Variants in ADCY2 observed in about 807,000 individuals in gnomAD.
ADCY2 encodes adenylate cyclase 2.
ADCY2 carries 31 observed loss-of-function variants against 125.2 expected under a neutral mutation model. The ratio of observed to expected loss-of-function variants is 0.25; its 90% CI spans 0.19 to 0.33. The LOEUF (loss-of-function observed/expected upper bound fraction) is 0.33, where lower values mean the gene tolerates loss of function less well. Ranked by LOEUF, ADCY2 falls within the 10% of genes least tolerant of loss-of-function variation. The pLI, the probability that ADCY2 is intolerant of heterozygous loss-of-function variation, is 1.00. For missense variants in ADCY2, 904 were observed against 1,418.2 expected (o/e 0.64, Z 5.82); for synonymous variants, 512 against 548.4 (o/e 0.93, Z 0.93).
intron 22 of ADCY2, among the ~76,000 whole-genome samples, chr5:7,811,768 T>A (rs920768417): frequency 1.3e-5 from 2 of 152,120 alleles, no homozygotes; most frequent in Non-Finnish European, 2.9e-5. Flanking sequence ...AGTCTCCATC[T>A]GAGCCACCTC....
chr5:7,685,056 C>T (rs574822094), intron 4 of ADCY2: 1 of 152,396 alleles, frequency 6.6e-6, no homozygotes, highest in Non-Finnish European at 1.5e-5. Flanking sequence ...TCATCCTCCT[C>T]CCACAAGTCA....
chr5:7,746,451 A>G (rs1228722681), intron 15 of ADCY2: 1 of 152,224 alleles, frequency 6.6e-6, no homozygotes, highest in Non-Finnish European at 1.5e-5. Context: ...TGCAACATCA[A>G]ATATATTGGT....
Position 7,396,850 on chromosome 5 carries a change from G to C in ADCY2, c.210+344G>C, listed in dbSNP as rs1428400. ...GCCGGGCACCGCTGCCCGCAGCGCT[G>C]GAATAGGTCTTCCCCGACTCAGCCC... On this transcript the variant is annotated intron_variant, in intron 1 of 24. Coordinates refer to ENST00000338316, the MANE Select transcript of ADCY2 (RefSeq NM_020546.3). This position sits in a 1 kb window ranked among gnomAD's most constrained non-coding sequence, Gnocchi z 5.7. Among the ~76,000 whole-genome samples the C allele has an allele frequency of 0.31, 46,968 of 152,104 alleles. 7,961 individuals carry two copies. Among genetic ancestry groups the C allele is most frequent in the African/African-American group, 0.43 (17,762 of 41,490 alleles).
chr5:7,826,332 C>T (rs16879199), intron 24 of ADCY2, among the ~76,000 whole-genome samples: 4,152 of 152,212 alleles, frequency 0.027, 188 homozygotes, highest in African/African-American at 0.096. Flanking sequence ...TTTTGGTTTA[C>T]TCTCTTTCAT....
intron 2 of ADCY2, among the ~76,000 whole-genome samples, chr5:7,463,618 T>TAAAAAAA (rs33927169): frequency 3.9e-5 from 4 of 102,532 alleles, no homozygotes; most frequent in Non-Finnish European, 4.4e-5. Flanking sequence ...AGGTGATAGA[T>TAAAAAAA]AAAAAAAAAA....
chr5:7,561,133 C>T (rs531762127), intron 3 of ADCY2, among the ~76,000 whole-genome samples: 2 of 152,286 alleles, frequency 1.3e-5, no homozygotes, highest in Admixed American at 6.5e-5. Context: ...GCTTGGGCTC[C>T]TTCTGAAACT....
chr5:7,611,905 G>A (rs1233854714), intron 3 of ADCY2, among the ~76,000 whole-genome samples: 2 of 152,118 alleles, frequency 1.3e-5, no homozygotes, highest in Admixed American at 6.6e-5. Flanking sequence ...CTAGAAGTTG[G>A]ACCTAGACTC....
intron 1 of ADCY2, among the ~76,000 whole-genome samples, chr5:7,412,690 C>T (rs1579417070): frequency 1.3e-5 from 2 of 152,322 alleles, no homozygotes; most frequent in East Asian, 1.9e-4. Flanking sequence ...CACATTCTTT[C>T]GGCCACGGCA....
At chr5:7,754,263 G>A (rs1035502676) in intron 15 of ADCY2, among the ~76,000 whole-genome samples, 1 of 152,084 alleles carries the variant, frequency 6.6e-6, no homozygotes, top group Non-Finnish European at 1.5e-5. Context: ...TTATCACCAC[G>A]TATTTTTCTA....
At chr5:7,610,798 G>T (rs1319425488) in intron 3 of ADCY2, among the ~76,000 whole-genome samples, 1 of 152,178 alleles carries the variant, frequency 6.6e-6, no homozygotes. Context: ...GGCCTGTGTG[G>T]TTTTCTTATG....
At chr5:7,423,760 A>G (rs1372108271) in intron 2 of ADCY2, among the ~76,000 whole-genome samples, 1 of 152,158 alleles carries the variant, frequency 6.6e-6, no homozygotes, top group African/African-American at 2.4e-5. Flanking sequence ...GCCTTCCCAG[A>G]TCTGATCTTG....
At chr5:7,703,759 A>T (rs1741167415) in intron 7 of ADCY2, among the ~76,000 whole-genome samples, 1 of 152,096 alleles carries the variant, frequency 6.6e-6, no homozygotes, top group African/African-American at 2.4e-5. Context: ...CAATTCTGTG[A>T]AGAAAGTCAT....
chr5:7,597,005 C>T (rs1308246667), intron 3 of ADCY2, among the ~76,000 whole-genome samples: 1 of 152,230 alleles, frequency 6.6e-6, no homozygotes, highest in Non-Finnish European at 1.5e-5. Context: ...GGAAGTACAG[C>T]TCCATGAGCC....
At chr5:7,534,275 C>T (rs1734745755) in intron 3 of ADCY2, among the ~76,000 whole-genome samples, 1 of 152,164 alleles carries the variant, frequency 6.6e-6, no homozygotes, top group Non-Finnish European at 1.5e-5. Context: ...ATGCTGGTGG[C>T]TGAGGGTTCT....
rs1739897803 is a variant in ADCY2, at chr5:7,415,346, A to AC, written c.408+578dup. On this transcript the variant is annotated intron_variant, in intron 2 of 24. Transcript: ENST00000338316. Reference sequence around the variant, plus strand: ...GTCCTCATTTTAGCAAACCCATCGTACCACAGCCAAGGAGCTGGCCGGGGC... The same window carrying AC: ...GTCCTCATTTTAGCAAACCCATCGTACCCACAGCCAAGGAGCTGGCCGGGGC... Among the ~76,000 whole-genome samples the AC allele has an allele frequency of 7.9e-5, 12 of 152,270 alleles. No homozygotes were observed. The South Asian group carries it at 2.5e-3, about 32-fold the overall frequency.
intron 3 of ADCY2, among the ~76,000 whole-genome samples, chr5:7,526,647 G>T (rs375841750): frequency 5.9e-5 from 9 of 152,178 alleles, no homozygotes; most frequent in African/African-American, 1.9e-4. Flanking sequence ...ACAAGAAAGA[G>T]AACTAACACA....
intron 1 of ADCY2, among the ~76,000 whole-genome samples, chr5:7,399,930 C>A (rs765605329): frequency 5.9e-5 from 9 of 152,002 alleles, no homozygotes; most frequent in Non-Finnish European, 1.2e-4. Context: ...TAATTTTTTT[C>A]TTTTTCTTTT....
chr5:7,600,973 T>C (rs1326610131), intron 3 of ADCY2, among the ~76,000 whole-genome samples: 2 of 152,174 alleles, frequency 1.3e-5, no homozygotes, highest in African/African-American at 4.8e-5. Flanking sequence ...TGAAGGTCAC[T>C]GGTGTTACAA....
chr5:7,563,856 A>G (rs1426297288), intron 3 of ADCY2, among the ~76,000 whole-genome samples: 2 of 152,190 alleles, frequency 1.3e-5, no homozygotes, highest in Non-Finnish European at 1.5e-5. Context: ...CCCGTTGTTT[A>G]TGTTCCATAA....
Sources: gnomAD v4.1 joint callset for allele counts (sites outside exome capture counted in the v4.1 genomes callset) on GRCh38, gnomAD v4.1.1 for gene constraint, Gnocchi (gnomAD v3.1) non-coding constraint, MANE v1.5 for transcripts, NCBI Gene and HGNC (gene_info 2026-07-23, HGNC 2026-07-21) for gene names.